Variants in COL27A1 observed in about 807,000 individuals in gnomAD.
The protein encoded by COL27A1 is collagen type XXVII alpha 1 chain.
In COL27A1, 106 loss-of-function variants were observed where a neutral mutation model predicts 251.3. The ratio of observed to expected loss-of-function variants is 0.42; its 90% confidence interval spans 0.36 to 0.50. COL27A1 has a LOEUF of 0.50. Among genes scored for constraint, COL27A1 ranks in the 20% least tolerant of loss-of-function variants. The pLI is 0.00. For missense variants in COL27A1, 2,325 were observed against 2,522.8 expected (o/e 0.92, Z 1.68); for synonymous variants, 1,000 against 986.3 (o/e 1.01, Z -0.26).
rs77288479 is a variant in COL27A1 at position 114,175,020 on chromosome 9, G to A, written c.1909-3271G>A. 0.041 allele frequency among the ~76,000 whole-genome samples: 416 copies of A among 10,088 alleles called. 12 individuals carry two copies. In the East Asian group the frequency reaches 0.5, roughly 12 times the overall value. 6.6% of individuals were successfully genotyped at this position (10,088 alleles called of 152,430 possible). On this transcript the variant is annotated intron_variant, in intron 3 of 60. Coordinates refer to ENST00000356083, the MANE Select transcript of COL27A1 (RefSeq NM_032888.4). ...TCGGACTTTGGTCTCCTAAACCCCA[G>A]GCTTGTAAAACCTCTCATTGCTTGG... is the stretch of plus-strand genomic sequence containing the variant.
At chr9:114,297,221 A>T (rs529821183) in intron 49 of COL27A1, among the ~76,000 whole-genome samples, 11 of 152,332 alleles carry the variant, frequency 7.2e-5, no homozygotes, top group African/African-American at 2.4e-4. Flanking sequence ...GTTTTACTTT[A>T]GTAAGACTGT....
At position 114,198,883 on chromosome 9, in the gene COL27A1, C is replaced by T. The variant is rs538505379; in HGVS notation, c.2124+2871C>T. ...GTTGCCTCACCTTGCTGGGCCTCAG[C>T]TGCCTCATGAGGTGGTTGGGAGGAT... On this transcript the variant is annotated intron_variant, in intron 7 of 60. Transcript: ENST00000356083. Among the ~76,000 whole-genome samples the T allele has an allele frequency of 3.2e-4, 49 of 152,308 alleles. No individual in the cohort carries two copies. In the South Asian group the frequency reaches 0.01, roughly 32 times the overall value.
chr9:114,300,182 C>G, intron 50 of COL27A1, 59 bp downstream of exon 50: 1 of 1,501,762 alleles, frequency 6.7e-7, no homozygotes, highest in South Asian at 1.1e-5. Context: ...CCCATTCATT[C>G]ATTTATTCAT....
intron 58 of COL27A1, chr9:114,306,926 G>A: frequency 2.0e-6 from 1 of 507,692 alleles, no homozygotes. Context: ...TCCTGAGGCT[G>A]TAAGAGTCCC....
intron 18 of COL27A1, 133 bp downstream of exon 18, chr9:114,237,167 G>A (rs1564507285): frequency 2.5e-6 from 2 of 811,410 alleles, no homozygotes; most frequent in Admixed American, 3.0e-5. Context: ...GCAGGGCAGG[G>A]CAGGAATGGG....
chr9:114,268,218 C>T (rs923358932), intron 34 of COL27A1, among the ~76,000 whole-genome samples: 36 of 152,058 alleles, frequency 2.4e-4, no homozygotes, highest in Admixed American at 3.9e-4. Context: ...GGGCTGGGGG[C>T]TCAGAGCTCT....
intron 12 of COL27A1, among the ~76,000 whole-genome samples, chr9:114,219,533 G>A (rs1419520430): frequency 6.6e-6 from 1 of 152,146 alleles, no homozygotes; most frequent in African/African-American, 2.4e-5. Flanking sequence ...TAGGGGATTG[G>A]CATTTTCATG....
rs527883436 is a variant in COL27A1, at chr9:114,310,757, G to T, written c.*62G>T. The T allele has an allele frequency of 4.5e-5, 71 of 1,575,534 alleles. 1 individual carries two copies. In the South Asian group the frequency reaches 7.6e-4, roughly 17 times the overall value. On this transcript the variant is annotated 3_prime_UTR_variant, in exon 61 of 61. Coordinates refer to ENST00000356083, the MANE Select transcript of COL27A1 (RefSeq NM_032888.4). ...AGGGAAGAGGAAGAGGCAAGGGGAGGGTACTGAGGGGCAGATGGCTCCAGG... is the reference window on the plus strand; with the variant it reads ...AGGGAAGAGGAAGAGGCAAGGGGAGTGTACTGAGGGGCAGATGGCTCCAGG...
intron 1 of COL27A1, among the ~76,000 whole-genome samples, chr9:114,162,097 C>T (rs1273087087): frequency 2.6e-5 from 4 of 152,250 alleles, no homozygotes; most frequent in African/African-American, 9.6e-5. Context: ...CCCTCGTCCC[C>T]TCTGTTTTCT....
At chr9:114,162,028 C>T (rs1256324622) in intron 1 of COL27A1, among the ~76,000 whole-genome samples, 2 of 152,200 alleles carry the variant, frequency 1.3e-5, no homozygotes, top group Admixed American at 6.5e-5. Flanking sequence ...GCAACTCATT[C>T]GGGGTCATAC....
intron 16 of COL27A1, among the ~76,000 whole-genome samples, chr9:114,233,856 G>A (rs1201476860): frequency 2.6e-5 from 4 of 152,104 alleles, no homozygotes; most frequent in African/African-American, 9.7e-5. Flanking sequence ...AGAGAGAGGG[G>A]GAGAAAGAAA....
chr9:114,196,032 C>G lies in COL27A1; in HGVS notation c.2124+20C>G, dbSNP rs1375129729. On this transcript the variant is annotated intron_variant, in intron 7 of 60. Coordinates refer to ENST00000356083, the MANE Select transcript of COL27A1 (RefSeq NM_032888.4). ...CGAAAGGTACTGTTTGGTTTTGATG[C>G]TTTGCCTTGCGCAGTGGGCCTCCTA... 6.2e-7 allele frequency: 1 copy of G among 1,612,586 alleles called. No homozygotes were observed. Among genetic ancestry groups the G allele is most frequent in the African/African-American group, 1.3e-5 (1 of 75,028 alleles).
At chr9:114,307,013 T>C (rs1045133670) in intron 58 of COL27A1, 9 of 299,588 alleles carry the variant, frequency 3.0e-5, no homozygotes, top group African/African-American at 6.6e-5. Flanking sequence ...AGGACTCTGC[T>C]CTCTCATCTG....
At chr9:114,282,139 T>C in intron 37 of COL27A1, 138 bp from the exon 38 acceptor site, 1 of 709,658 alleles carries the variant, frequency 1.4e-6, no homozygotes, top group Non-Finnish European at 2.5e-6. Flanking sequence ...CTCAAGGTCA[T>C]GTGGGTACTG....
intron 26 of COL27A1, 93 bp downstream of exon 26, chr9:114,252,739 C>T (rs540837458): frequency 5.6e-6 from 8 of 1,419,306 alleles, no homozygotes; most frequent in Middle Eastern, 1.8e-4. Flanking sequence ...CCCAGACGTT[C>T]AGAATGACCA....
chr9:114,161,031 G>T (rs887312846), intron 1 of COL27A1, among the ~76,000 whole-genome samples: 3 of 152,166 alleles, frequency 2.0e-5, no homozygotes, highest in African/African-American at 7.2e-5. Flanking sequence ...GATAAGGGGG[G>T]TTATTCCCAT....
chr9:114,270,816 C>T lies in COL27A1; in HGVS notation c.3609+35C>T, dbSNP rs2636866. On this transcript the variant is annotated intron_variant, in intron 36 of 60. Coordinates refer to ENST00000356083, the MANE Select transcript of COL27A1 (RefSeq NM_032888.4). Reference sequence around the variant, plus strand: ...CTTTTAGGGCAGGGCCTGGGGACCCCGGCAGGGCATTGCTTTCCCATCCAA... The same window carrying T: ...CTTTTAGGGCAGGGCCTGGGGACCCTGGCAGGGCATTGCTTTCCCATCCAA... 0.78 allele frequency: 1,213,754 copies of T among 1,558,904 alleles called. 474,738 individuals carry two copies. Among genetic ancestry groups the T allele is most frequent in the African/African-American group, 0.96 (70,493 of 73,562 alleles).
rs1030538058 is a variant in COL27A1 at position 114,312,360 on chromosome 9, A to G, written c.*1665A>G. On this transcript the variant is annotated 3_prime_UTR_variant, in exon 61 of 61. Transcript: ENST00000356083. ...CAGCGCTCGGATCCCTCCTGCTGCC[A>G]GAATCCACTGGCCTCTGTCTCATTC... 12 of 152,228 alleles carry G rather than the reference A, an allele frequency of 7.9e-5. No homozygotes were observed. The highest frequency in any genetic ancestry group is 2.7e-4 in the African/African-American group (11 of 41,450). The allele number at this position is 152,228 out of a possible 1,614,324, so 9.4% of individuals were successfully genotyped here.
chr9:114,246,556 T>TGGA (rs1245352040), intron 24 of COL27A1, among the ~76,000 whole-genome samples: 1 of 152,138 alleles, frequency 6.6e-6, no homozygotes, highest in East Asian at 1.9e-4. Context: ...GGCTCCAAGG[T>TGGA]GGAGAGGTGT....
Sources: gnomAD v4.1 joint callset for allele counts (sites outside exome capture counted in the v4.1 genomes callset) on GRCh38, gnomAD v4.1.1 for gene constraint, MANE v1.5 for transcripts, NCBI Gene and HGNC (gene_info 2026-07-23, HGNC 2026-07-21) for gene names.